The following ITGA4 variants were observed in gnomAD, a reference collection of about 807,000 sequenced individuals.
ITGA4 encodes integrin subunit alpha 4, also known as integrin alpha-4.
ITGA4 carries 63 observed loss-of-function variants against 133.6 expected under a neutral mutation model. The observed-to-expected ratio is 0.47, with a 90% CI of 0.38 to 0.58. The LOEUF (loss-of-function observed/expected upper bound fraction) is 0.58, where lower values mean the gene tolerates loss of function less well. ITGA4 is among the 20% of genes least tolerant of loss of function. The probability of loss-of-function intolerance (pLI) is 0.00; values close to 1 mark genes in which losing one functional copy is unlikely to be tolerated. For synonymous variants in ITGA4, 483 were observed against 438.0 expected (o/e 1.10, Z -1.28); for missense variants, 1,076 against 1,252.7 (o/e 0.86, Z 2.13).
chr2:181,457,579 C>G lies in ITGA4; in HGVS notation c.-76C>G. 1 of 1,359,388 alleles carries G rather than the reference C, an allele frequency of 7.4e-7. No individual in the cohort carries two copies. Among genetic ancestry groups the G allele is most frequent in the African/African-American group, 1.4e-5 (1 of 69,150 alleles). 84.2% of individuals were successfully genotyped at this position (1,359,388 alleles called of 1,614,324 possible). A position where few individuals can be genotyped will look rare whatever the true frequency, so the allele number is the denominator to read the frequency against. On this transcript the variant is annotated 5_prime_UTR_variant, in exon 1 of 28. Coordinates refer to ENST00000397033, the MANE Select transcript of ITGA4 (RefSeq NM_000885.6). Reference sequence around the variant, plus strand: ...CCTCATCTCTTGGGGCGTTCTTCCCCGTTGGCCAACCGTCGCATCCCGTGC... The same window carrying G: ...CCTCATCTCTTGGGGCGTTCTTCCCGGTTGGCCAACCGTCGCATCCCGTGC...
At position 181,537,205 on chromosome 2, in the gene ITGA4, G is replaced by GATTTAGAACT. The variant is rs1443759211; in HGVS notation, c.*1679_*1688dup. 2.2e-6 allele frequency: 1 copy of GATTTAGAACT among 452,928 alleles called. No individual in the cohort carries two copies. Among genetic ancestry groups the GATTTAGAACT allele is most frequent in the Non-Finnish European group, 4.4e-6 (1 of 226,048 alleles). The allele number at this position is 452,928 out of a possible 1,614,324, so 28.1% of individuals were successfully genotyped here. On this transcript the variant is annotated 3_prime_UTR_variant, in exon 28 of 28. Transcript: ENST00000397033. The stretch of plus-strand genomic sequence containing the variant: ...GATCATAGATGAAAAATCAAGCCCC[G>GATTTAGAACT]ATTTAGAACTGTCTTCTCCAGGATG...
chr2:181,485,849 T>A lies in ITGA4; in HGVS notation c.1042-32T>A, dbSNP rs757091991. ...CGTGTAAAGTTGTCAGGGAGTGTTATAATGACACGTTTTCTCTCCCTTTCT... is the reference window on the plus strand; with the variant it reads ...CGTGTAAAGTTGTCAGGGAGTGTTAAAATGACACGTTTTCTCTCCCTTTCT... On this transcript the variant is annotated intron_variant, in intron 9 of 27. Transcript: ENST00000397033. 3 of 1,545,314 alleles carry A rather than the reference T, an allele frequency of 1.9e-6. No homozygotes were observed. The South Asian group carries it at 3.5e-5, about 18-fold the overall frequency.
At chr2:181,525,405 CTA>C in intron 21 of ITGA4, 114 bp downstream of exon 21, 1 of 584,932 alleles carries the variant, frequency 1.7e-6, no homozygotes, top group East Asian at 2.8e-5. Flanking sequence ...AAAGGATACT[CTA>C]TCTTTTAATA....
At chr2:181,480,739 T>A (rs2105732316) in intron 6 of ITGA4, among the ~76,000 whole-genome samples, 1 of 152,242 alleles carries the variant, frequency 6.6e-6, no homozygotes, top group Admixed American at 6.5e-5. Context: ...AGGGGCTCCA[T>A]GAAGCACATG....
chr2:181,460,857 C>T (rs1415358670), intron 2 of ITGA4, among the ~76,000 whole-genome samples: 1 of 151,876 alleles, frequency 6.6e-6, no homozygotes, highest in African/African-American at 2.4e-5. Context: ...TGAAATGAAA[C>T]ACAATGAGAA....
chr2:181,498,371 C>A (rs1408423452), intron 14 of ITGA4: 1 of 221,642 alleles, frequency 4.5e-6, no homozygotes, highest in Non-Finnish European at 8.7e-6. Context: ...AAGCAAATAA[C>A]TAAAGATTTT....
At chr2:181,478,199 G>C (rs1359871177) in intron 4 of ITGA4, among the ~76,000 whole-genome samples, 1 of 152,050 alleles carries the variant, frequency 6.6e-6, no homozygotes, top group Non-Finnish European at 1.5e-5. Flanking sequence ...AAGGTGAGCA[G>C]AGAGAGGGTT....
chr2:181,459,043 G>A (rs1030731717), intron 2 of ITGA4: 6 of 152,266 alleles, frequency 3.9e-5, no homozygotes, highest in African/African-American at 1.2e-4. Flanking sequence ...GAAAGAGGAA[G>A]GAATATTAAA....
chr2:181,461,610 A>T (rs1685280688), intron 2 of ITGA4, among the ~76,000 whole-genome samples: 2 of 152,200 alleles, frequency 1.3e-5, no homozygotes, highest in African/African-American at 4.8e-5. Flanking sequence ...TAGTCCATCC[A>T]TGGACTATCA....
chr2:181,475,084 T>C lies in ITGA4; in HGVS notation c.426+18T>C, dbSNP rs200029223. 113 of 1,610,258 alleles carry C rather than the reference T, an allele frequency of 7.0e-5. No homozygotes were observed. The African/African-American group carries it at 1.3e-3, about 19-fold the overall frequency. Reference sequence around the variant, plus strand: ...CCATCGTGGTAGGTATTGGAACTGGTCCACAGATCCATCGTGAAATCAGCT... The same window carrying C: ...CCATCGTGGTAGGTATTGGAACTGGCCCACAGATCCATCGTGAAATCAGCT... On this transcript the variant is annotated intron_variant, in intron 3 of 27. Coordinates refer to ENST00000397033, the MANE Select transcript of ITGA4 (RefSeq NM_000885.6).
chr2:181,496,581 T>C (rs1559047469), intron 14 of ITGA4, among the ~76,000 whole-genome samples: 1 of 152,218 alleles, frequency 6.6e-6, no homozygotes, highest in Non-Finnish European at 1.5e-5. Context: ...CTCTCAATTA[T>C]CTGCTCTGGA....
chr2:181,458,081 G>A, intron 1 of ITGA4, 115 bp from the exon 2 acceptor site: 1 of 1,420,756 alleles, frequency 7.0e-7, no homozygotes, highest in South Asian at 1.3e-5. Context: ...GGGGGTGGTG[G>A]GCGGAGGAGG....
At chr2:181,500,687 A>C (rs559524010) in intron 15 of ITGA4, among the ~76,000 whole-genome samples, 2 of 151,894 alleles carry the variant, frequency 1.3e-5, no homozygotes, top group South Asian at 4.2e-4. Flanking sequence ...TTGTCAGAGG[A>C]CTCCCTGCCT....
rs138906852 is a variant in ITGA4, at chr2:181,513,337, A to G, written c.1922+1562A>G. Among the ~76,000 whole-genome samples the G allele has an allele frequency of 1.9e-3, 288 of 152,202 alleles. 2 individuals are homozygous for G. Among genetic ancestry groups the G allele is most frequent in the African/African-American group, 5.9e-3 (247 of 41,558 alleles). ...TCCTTTTGGTTGCCCTATAGTTTCA[A>G]TCTGTCCAGGCACTATCCAGGAATG... is the stretch of plus-strand genomic sequence containing the variant. On this transcript the variant is annotated intron_variant, in intron 17 of 27. Transcript: ENST00000397033.
intron 20 of ITGA4, 102 bp downstream of exon 20, chr2:181,524,352 A>G (rs1686790228): frequency 1.6e-6 from 1 of 641,212 alleles, no homozygotes; most frequent in Non-Finnish European, 2.6e-6. Flanking sequence ...ATTGTAAGAG[A>G]AAACTTCTCT....
intron 19 of ITGA4, 124 bp from the exon 20 acceptor site, chr2:181,524,047 T>G (rs1686782522): frequency 1.6e-6 from 1 of 636,182 alleles, no homozygotes; most frequent in Non-Finnish European, 2.7e-6. Flanking sequence ...GAGGAGTAGC[T>G]GATGCCTTTA....
chr2:181,507,108 G>A (rs2105753878), intron 15 of ITGA4, among the ~76,000 whole-genome samples: 1 of 152,198 alleles, frequency 6.6e-6, no homozygotes, highest in East Asian at 1.9e-4. Context: ...TAAATTATTA[G>A]TATGAAAGAC....
intron 2 of ITGA4, among the ~76,000 whole-genome samples, chr2:181,461,323 CAT>C (rs1009877310): frequency 6.6e-6 from 1 of 150,746 alleles, no homozygotes; most frequent in Non-Finnish European, 1.5e-5. Context: ...TTTCTTCCTG[CAT>C]ATATATTGTT....
intron 2 of ITGA4, among the ~76,000 whole-genome samples, chr2:181,473,938 C>G (rs564024422): frequency 6.6e-6 from 1 of 152,308 alleles, no homozygotes; most frequent in East Asian, 1.9e-4. Flanking sequence ...TTCATGAAAA[C>G]TTGGTACCTA....
Sources: allele counts gnomAD v4.1 joint callset (sites outside exome capture counted in the v4.1 genomes callset), GRCh38; gene constraint gnomAD v4.1.1; transcripts MANE v1.5; gene names NCBI Gene and HGNC (gene_info 2026-07-23, HGNC 2026-07-21).